The following PARD3B variants were observed in gnomAD, a reference collection of about 807,000 sequenced individuals.
PARD3B encodes partitioning defective 3 homolog B.
PARD3B carries 103 observed loss-of-function variants against 130.2 expected under a neutral mutation model. That is an observed-to-expected ratio of 0.79 (90% CI 0.67 to 0.93). PARD3B has a LOEUF of 0.93. Ranked by LOEUF, PARD3B falls within the 40% of genes least tolerant of loss-of-function variation. PARD3B has a pLI of 0.00. For missense variants in PARD3B, 1,609 were observed against 1,499.2 expected, an observed-to-expected ratio of 1.07 and a Z score of -1.21; for synonymous variants, 583 against 553.2, an observed-to-expected ratio of 1.05 and a Z score of -0.76.
rs1444493116 is a variant in PARD3B, at chr2:205,590,618, T to G, written c.3261-24838T>G. On this transcript the variant is annotated intron_variant, in intron 22 of 22. Coordinates refer to ENST00000406610, the MANE Select transcript of PARD3B (RefSeq NM_001302769.2). The surrounding 1 kb of genome is among the most constrained non-coding windows in gnomAD (Gnocchi z 4.1). The stretch of plus-strand genomic sequence containing the variant: ...GGACTGAGAGTGGGCATGGAATGAT[T>G]CCCAAAAGAACAGAAGGCTGTCACC... Among the ~76,000 whole-genome samples the G allele has an allele frequency of 6.6e-6, 1 of 151,990 alleles. No individual in the cohort carries two copies. The highest frequency in any genetic ancestry group is 1.5e-5 in the Non-Finnish European group (1 of 67,988).
intron 21 of PARD3B, 56 bp from the exon 22 acceptor site, chr2:205,553,268 G>T: frequency 5.3e-6 from 8 of 1,513,984 alleles, no homozygotes; most frequent in Non-Finnish European, 7.3e-6. Context: ...GAGATGCATT[G>T]TCAGTAACCA....
At chr2:204,828,622 C>T (rs1002696449) in intron 2 of PARD3B, among the ~76,000 whole-genome samples, 7 of 152,150 alleles carry the variant, frequency 4.6e-5, no homozygotes, top group Admixed American at 2.6e-4. Flanking sequence ...GAAGATATTT[C>T]CATTTAGAAA....
chr2:205,235,257 C>T (rs866382133), intron 15 of PARD3B, among the ~76,000 whole-genome samples: 9 of 152,118 alleles, frequency 5.9e-5, no homozygotes, highest in African/African-American at 2.2e-4. Context: ...CCCATCTATA[C>T]TGAAAATACA....
chr2:204,785,958 C>CA lies in PARD3B; in HGVS notation c.222+99683dup, dbSNP rs1421218130. On this transcript the variant is annotated intron_variant, in intron 2 of 22. Coordinates refer to ENST00000406610, the MANE Select transcript of PARD3B (RefSeq NM_001302769.2). Reference sequence around the variant, plus strand: ...GAAACCCCCATCTCTACTAAAAATACAAAAAAATAGCTGGGCGTAGGGGTG... The same window carrying CA: ...GAAACCCCCATCTCTACTAAAAATACAAAAAAAATAGCTGGGCGTAGGGGTG... Among the ~76,000 whole-genome samples, 7 of 151,496 alleles carry CA rather than the reference C, an allele frequency of 4.6e-5. No individual in the cohort carries two copies. The South Asian group carries it at 1.0e-3, about 23-fold the overall frequency.
intron 16 of PARD3B, among the ~76,000 whole-genome samples, chr2:205,248,212 G>A (rs2039653055): frequency 6.6e-6 from 1 of 151,958 alleles, no homozygotes; most frequent in Admixed American, 6.6e-5. Flanking sequence ...TAAAGTGCTG[G>A]GATTACAGGT....
rs981019767 is a variant in PARD3B at position 205,187,957 on chromosome 2, C to G, written c.2024+2094C>G. Among the ~76,000 whole-genome samples, 2 of 152,202 alleles carry G rather than the reference C, an allele frequency of 1.3e-5. No homozygotes were observed. The highest frequency in any genetic ancestry group is 1.3e-4 in the Admixed American group (2 of 15,282). On this transcript the variant is annotated intron_variant, in intron 14 of 22. Coordinates refer to ENST00000406610, the MANE Select transcript of PARD3B (RefSeq NM_001302769.2). This position sits in a 1 kb window ranked among gnomAD's most constrained non-coding sequence, Gnocchi z 4.9. ...TTATTAAGTCATTTATTCACTTACT[C>G]ATCCATTCAAAAGTATTTCTGGAGC...
At position 205,436,974 on chromosome 2, in the gene PARD3B, A is replaced by G. The variant is rs532961454; in HGVS notation, c.2742-3396A>G. Reference sequence around the variant, plus strand: ...TCTCTTCTGTCTCTGCCTCTCCTCCATTCTGAAGCTGGATCCCCACAAAGA... The same window carrying G: ...TCTCTTCTGTCTCTGCCTCTCCTCCGTTCTGAAGCTGGATCCCCACAAAGA... On this transcript the variant is annotated intron_variant, in intron 19 of 22. Coordinates refer to ENST00000406610, the MANE Select transcript of PARD3B (RefSeq NM_001302769.2). Among the ~76,000 whole-genome samples the G allele has an allele frequency of 2.0e-5, 3 of 151,698 alleles. No individual in the cohort carries two copies. In the South Asian group the frequency reaches 6.3e-4, roughly 32 times the overall value.
In PARD3B at chr2:205,129,122, C is replaced by CTA. The variant is rs147424001; in HGVS notation, c.1434+3386_1434+3387dup. Among the ~76,000 whole-genome samples the CTA allele has an allele frequency of 3.6e-4, 55 of 152,328 alleles. 1 individual carries two copies. The East Asian group carries it at 0.01, about 28-fold the overall frequency. On this transcript the variant is annotated intron_variant, in intron 10 of 22. Coordinates refer to ENST00000406610, the MANE Select transcript of PARD3B (RefSeq NM_001302769.2). Reference sequence around the variant, plus strand: ...TCCTTTAGAAGTTTCTAGCAAATATCTAGACTCTCAAAAATAGTTGACAGT... The same window carrying CTA: ...TCCTTTAGAAGTTTCTAGCAAATATCTATAGACTCTCAAAAATAGTTGACAGT...
At chr2:204,574,638 A>G (rs2032163918) in intron 1 of PARD3B, among the ~76,000 whole-genome samples, 1 of 152,210 alleles carries the variant, frequency 6.6e-6, no homozygotes, top group Non-Finnish European at 1.5e-5. Context: ...ACTTACAGTC[A>G]CTGTGCTTCT....
chr2:205,268,337 T>C lies in PARD3B; in HGVS notation c.2185+22515T>C, dbSNP rs1326942590. Among the ~76,000 whole-genome samples, 1 of 152,196 alleles carries C rather than the reference T, an allele frequency of 6.6e-6. No homozygotes were observed. Among genetic ancestry groups the C allele is most frequent in the Non-Finnish European group, 1.5e-5 (1 of 68,034 alleles). The stretch of plus-strand genomic sequence containing the variant: ...GGTTTTTGAGAACGGTTCCAATATA[T>C]TGGGAGAAAAATAAGCATCAACTTG... On this transcript the variant is annotated intron_variant, in intron 16 of 22. Coordinates refer to ENST00000406610, the MANE Select transcript of PARD3B (RefSeq NM_001302769.2). The surrounding 1 kb of genome is among the most constrained non-coding windows in gnomAD (Gnocchi z 4.1).
At chr2:205,085,173 C>T (rs1310886589) in intron 4 of PARD3B, among the ~76,000 whole-genome samples, 2 of 151,938 alleles carry the variant, frequency 1.3e-5, no homozygotes, top group African/African-American at 4.8e-5. Flanking sequence ...CTGGATTGTT[C>T]TTTTTTCTTT....
intron 2 of PARD3B, among the ~76,000 whole-genome samples, chr2:204,818,040 TC>T (rs1433667986): frequency 6.6e-6 from 1 of 152,140 alleles, no homozygotes; most frequent in African/African-American, 2.4e-5. Context: ...GCCCAAACTG[TC>T]CCTCTTTATT....
rs1401100377 is a variant in PARD3B at position 205,558,197 on chromosome 2, A to G, written c.3260+4794A>G. Among the ~76,000 whole-genome samples, 2 of 152,164 alleles carry G rather than the reference A, an allele frequency of 1.3e-5. No homozygotes were observed. The highest frequency in any genetic ancestry group is 4.8e-5 in the African/African-American group (2 of 41,444). On this transcript the variant is annotated intron_variant, in intron 22 of 22. Coordinates refer to ENST00000406610, the MANE Select transcript of PARD3B (RefSeq NM_001302769.2). The surrounding 1 kb of genome is among the most constrained non-coding windows in gnomAD (Gnocchi z 4.8). ...CTGACTTGGCTCTAGGCAAGAGGCC[A>G]GGGCTCCTGTCCAGCAAGACTTGGG...
In PARD3B at chr2:205,113,342, A is replaced by T. The variant is rs1703777572; in HGVS notation, c.594-149A>T. ...GATCATCTGAACATACCAATAAATT[A>T]TGTACTCTTTTGACTTTGAAGTTGT... is the stretch of plus-strand genomic sequence containing the variant. On this transcript the variant is annotated intron_variant, in intron 5 of 22. Transcript: ENST00000406610. 1.1e-5 allele frequency: 5 copies of T among 471,000 alleles called. No homozygotes were observed. In the South Asian group the frequency reaches 2.5e-4, roughly 23 times the overall value. 29.2% of individuals were successfully genotyped at this position (471,000 alleles called of 1,614,324 possible).
intron 1 of PARD3B, among the ~76,000 whole-genome samples, chr2:204,619,523 GT>G (rs990158921): frequency 6.6e-6 from 1 of 151,958 alleles, no homozygotes; most frequent in African/African-American, 2.4e-5. Flanking sequence ...AAAAGAGCAG[GT>G]TTTTTTTAAG....
rs1575423234 is a variant in PARD3B at position 205,584,366 on chromosome 2, A to G, written c.3260+30963A>G. On this transcript the variant is annotated intron_variant, in intron 22 of 22. Coordinates refer to ENST00000406610, the MANE Select transcript of PARD3B (RefSeq NM_001302769.2). The surrounding 1 kb of genome is among the most constrained non-coding windows in gnomAD (Gnocchi z 5.5). ...AAATTAGTTTTACTTTTGAATGTGG[A>G]TACAAGAAAGTTTTAAATTATGTAT... 6.6e-6 allele frequency among the ~76,000 whole-genome samples: 1 copy of G among 152,322 alleles called. No individual in the cohort carries two copies. The highest frequency in any genetic ancestry group is 1.9e-4 in the East Asian group (1 of 5,178).
intron 1 of PARD3B, among the ~76,000 whole-genome samples, chr2:204,652,833 A>G (rs2035525316): frequency 1.3e-5 from 2 of 151,214 alleles, no homozygotes; most frequent in African/African-American, 2.5e-5. Context: ...GGAAGGTGAC[A>G]GGGATGCAAG....
chr2:205,196,818 T>C (rs1229342127), intron 15 of PARD3B, among the ~76,000 whole-genome samples: 2 of 152,154 alleles, frequency 1.3e-5, no homozygotes, highest in Non-Finnish European at 2.9e-5. Context: ...TCTGTTGATA[T>C]ATTAGTCCAT....
intron 1 of PARD3B, among the ~76,000 whole-genome samples, chr2:204,576,905 G>A (rs1375007185): frequency 6.6e-6 from 1 of 152,138 alleles, no homozygotes; most frequent in Non-Finnish European, 1.5e-5. Flanking sequence ...TGAATCCACT[G>A]CACAATCAGA....
Sources: allele counts gnomAD v4.1 joint callset (sites outside exome capture counted in the v4.1 genomes callset), GRCh38; gene constraint gnomAD v4.1.1; non-coding constraint Gnocchi (gnomAD v3.1); transcripts MANE v1.5; gene names NCBI Gene and HGNC (gene_info 2026-07-23, HGNC 2026-07-21).